NAV2: variants seen among roughly 807,000 people sequenced by gnomAD.
The protein encoded by NAV2 is helicase, APC down-regulated 1.
In NAV2, 54 loss-of-function variants were observed where a neutral mutation model predicts 223.2. That is an observed-to-expected ratio of 0.24 (90% CI 0.19 to 0.30). NAV2 has a LOEUF of 0.30. Ranked by LOEUF, NAV2 falls within the 10% of genes least tolerant of loss-of-function variation. The probability of loss-of-function intolerance (pLI) is 1.00; values close to 1 mark genes in which losing one functional copy is unlikely to be tolerated. For missense variants in NAV2, 2,806 were observed against 3,147.5 expected (o/e 0.89, Z 2.60); for synonymous variants, 1,279 against 1,239.3 (o/e 1.03, Z -0.67).
chr11:19,994,676 G>T (rs958157279), intron 11 of NAV2, among the ~76,000 whole-genome samples: 2 of 152,164 alleles, frequency 1.3e-5, no homozygotes, highest in African/African-American at 4.8e-5. Flanking sequence ...CTATGGAAAA[G>T]GGTCCCTGGT....
chr11:19,827,775 C>T (rs1565384512), intron 1 of NAV2, among the ~76,000 whole-genome samples: 1 of 152,110 alleles, frequency 6.6e-6, no homozygotes, highest in Non-Finnish European at 1.5e-5. Context: ...TAGCATAATA[C>T]TGAATGACAG....
rs567844382 is a variant in NAV2, at chr11:19,645,799, A to C, written c.76-186685A>C. On this transcript the variant is annotated intron_variant, in intron 1 of 37. Transcript: ENST00000360655. ...CATTACTGCAATTGCTTTTGCTCCA[A>C]CCTAATAATTATCACCACAACGCTG... is the stretch of plus-strand genomic sequence containing the variant. Among the ~76,000 whole-genome samples, 11 of 151,998 alleles carry C rather than the reference A, an allele frequency of 7.2e-5. No homozygotes were observed. The South Asian group carries it at 2.3e-3, about 32-fold the overall frequency.
chr11:19,763,854 C>G (rs1280241324), intron 1 of NAV2, among the ~76,000 whole-genome samples: 2 of 151,580 alleles, frequency 1.3e-5, no homozygotes, highest in Non-Finnish European at 2.9e-5. Context: ...GTAACAAAAC[C>G]TATGGACCCT....
chr11:20,101,291 G>A, intron 32 of NAV2, 119 bp downstream of exon 32: 6 of 807,802 alleles, frequency 7.4e-6, no homozygotes, highest in Non-Finnish European at 1.2e-5. Flanking sequence ...GTTTTAGAAA[G>A]CCAAGTGAAA....
intron 1 of NAV2, among the ~76,000 whole-genome samples, chr11:19,415,751 C>T (rs574379648): frequency 3.1e-3 from 471 of 152,308 alleles, no homozygotes; most frequent in Non-Finnish European, 5.9e-3. Flanking sequence ...CCACCATGAT[C>T]GAGTTGGCTT....
At chr11:20,013,198 T>C (rs2053711177) in intron 11 of NAV2, among the ~76,000 whole-genome samples, 1 of 20,082 alleles carries the variant, frequency 5.0e-5, no homozygotes, top group African/African-American at 1.2e-4. Context: ...TAATAAAATC[T>C]ATCATACTGG....
chr11:19,597,579 G>T (rs766991659), intron 1 of NAV2, among the ~76,000 whole-genome samples: 1 of 152,230 alleles, frequency 6.6e-6, no homozygotes, highest in Non-Finnish European at 1.5e-5. Flanking sequence ...TGGCTGCAGA[G>T]CCTGGTGCAG....
At chr11:19,618,533 G>T (rs2046882301) in intron 1 of NAV2, among the ~76,000 whole-genome samples, 2 of 151,916 alleles carry the variant, frequency 1.3e-5, no homozygotes, top group African/African-American at 4.8e-5. Flanking sequence ...TGGATGGATG[G>T]ATGGATGGGT....
intron 7 of NAV2, among the ~76,000 whole-genome samples, chr11:19,934,639 G>A (rs1202683365): frequency 6.6e-6 from 1 of 152,156 alleles, no homozygotes; most frequent in East Asian, 1.9e-4. Context: ...ACAGTCCCCA[G>A]CATTAGTCCT....
At chr11:20,026,696 C>G (rs375208191) in intron 11 of NAV2, among the ~76,000 whole-genome samples, 1 of 152,126 alleles carries the variant, frequency 6.6e-6, no homozygotes, top group Non-Finnish European at 1.5e-5. Flanking sequence ...GAACACATGA[C>G]GAGCGTTCAT....
At chr11:19,659,330 G>A (rs746748205) in intron 1 of NAV2, among the ~76,000 whole-genome samples, 26 of 152,198 alleles carry the variant, frequency 1.7e-4, no homozygotes, top group Non-Finnish European at 3.2e-4. Flanking sequence ...TGGAGTGTGT[G>A]GTGGGCAAGA....
At chr11:19,760,880 C>T (rs572538841) in intron 1 of NAV2, among the ~76,000 whole-genome samples, 2 of 151,632 alleles carry the variant, frequency 1.3e-5, no homozygotes, top group African/African-American at 2.4e-5. Context: ...CAGTCATGGG[C>T]GTGAATGAGT....
chr11:20,001,371 GA>G (rs2052526570), intron 11 of NAV2, among the ~76,000 whole-genome samples: 2 of 152,182 alleles, frequency 1.3e-5, no homozygotes, highest in East Asian at 1.9e-4. Context: ...TTGGCTTGAA[GA>G]CAGGGATTAT....
intron 1 of NAV2, chr11:19,385,072 C>G (rs539534044): frequency 2.6e-5 from 4 of 152,142 alleles, no homozygotes; most frequent in Admixed American, 1.3e-4. Context: ...ATTAAACACA[C>G]AAAAAGAAGT....
rs1339675542 is a variant in NAV2, at chr11:20,023,077, G to A, written c.2769-12882G>A. 17 of 1,551,442 alleles carry A rather than the reference G, an allele frequency of 1.1e-5. No homozygotes were observed. The East Asian group carries it at 1.2e-4, about 11-fold the overall frequency. On this transcript the variant is annotated intron_variant, in intron 11 of 37. Coordinates refer to ENST00000349880, the MANE Select transcript of NAV2 (RefSeq NM_145117.5). Reference sequence around the variant, plus strand: ...TGAGATTCATTCAGCTTCTTTGTCCGCTGTTCTCCAAGGGCCGCAATGTAG... The same window carrying A: ...TGAGATTCATTCAGCTTCTTTGTCCACTGTTCTCCAAGGGCCGCAATGTAG...
rs56318387 is a variant in NAV2, at chr11:19,612,389, T to C, written c.76-220095T>C. On this transcript the variant is annotated intron_variant, in intron 1 of 37. Transcript: ENST00000360655. ...CCAGCTTGAATCTCTCCCCAGACAG[T>C]GGGTTTTTCTTTTCTATCACATAGT... 6.0e-3 allele frequency among the ~76,000 whole-genome samples: 919 copies of C among 152,346 alleles called. 4 individuals carry two copies. The highest frequency in any genetic ancestry group is 0.02 in the African/African-American group (824 of 41,580).
chr11:19,497,457 G>A (rs1038753221), intron 1 of NAV2, among the ~76,000 whole-genome samples: 2 of 152,342 alleles, frequency 1.3e-5, no homozygotes, highest in African/African-American at 4.8e-5. Context: ...TGGTGAGTGG[G>A]AGTCTTTAGA....
intron 1 of NAV2, among the ~76,000 whole-genome samples, chr11:19,587,319 C>A (rs576525126): frequency 3.3e-5 from 5 of 152,346 alleles, no homozygotes; most frequent in Admixed American, 3.3e-4. Context: ...TGACCCCTTG[C>A]ACATCCCGGG....
chr11:19,454,879 T>C (rs936481452), intron 1 of NAV2, among the ~76,000 whole-genome samples: 1 of 152,220 alleles, frequency 6.6e-6, no homozygotes, highest in African/African-American at 2.4e-5. Context: ...CAAAACTTTG[T>C]GTCTTCAGGG....
Sources: allele counts gnomAD v4.1 joint callset (sites outside exome capture counted in the v4.1 genomes callset), GRCh38; gene constraint gnomAD v4.1.1; transcripts MANE v1.5; gene names NCBI Gene and HGNC (gene_info 2026-07-23, HGNC 2026-07-21).